Variants in ACOT12 observed in about 807,000 individuals in gnomAD.
ACOT12 encodes acetyl-coenzyme A thioesterase.
ACOT12 carries 51 observed loss-of-function variants against 67.7 expected under a neutral mutation model. The observed-to-expected ratio is 0.75, with a 90% CI of 0.60 to 0.95. The LOEUF (loss-of-function observed/expected upper bound fraction) is 0.95. ACOT12 is among the 40% of genes least tolerant of loss of function. The pLI is 0.00. For missense variants in ACOT12, 734 were observed against 708.1 expected (o/e 1.04, Z -0.41); for synonymous variants, 251 against 244.6 (o/e 1.03, Z -0.24).
intron 4 of ACOT12, among the ~76,000 whole-genome samples, chr5:81,361,798 T>A (rs1759917626): frequency 6.6e-6 from 1 of 152,244 alleles, no homozygotes; most frequent in African/African-American, 2.4e-5. Flanking sequence ...GTCCCTTCAA[T>A]GATCTGGCCT....
At chr5:81,368,254 C>T (rs555637038) in intron 3 of ACOT12, among the ~76,000 whole-genome samples, 5 of 151,968 alleles carry the variant, frequency 3.3e-5, no homozygotes, top group South Asian at 4.2e-4. Context: ...ATCGCACCAC[C>T]GCACTACAGC....
chr5:81,392,473 G>T (rs546594459), intron 1 of ACOT12, among the ~76,000 whole-genome samples: 3 of 152,218 alleles, frequency 2.0e-5, no homozygotes, highest in African/African-American at 7.2e-5. Flanking sequence ...TAGAGTAATT[G>T]ATTGTCAATT....
Position 81,371,824 on chromosome 5 carries a change from A to C in ACOT12, c.198-14T>G. On this transcript the variant is annotated splice_polypyrimidine_tract_variant and intron_variant, in intron 2 of 14. Coordinates refer to ENST00000307624, the MANE Select transcript of ACOT12 (RefSeq NM_130767.3). ...ACTTGTCCAACTCTAGGGAAAAACA[A>C]ACAAAAAAACCTCAGTAGTTTTAGC... 1 of 1,612,004 alleles carries C rather than the reference A, an allele frequency of 6.2e-7. No homozygotes were observed. Among genetic ancestry groups the C allele is most frequent in the African/African-American group, 1.3e-5 (1 of 75,010 alleles).
the ACOT12 span, chr5:81,312,789 G>A: frequency 1.6e-6 from 1 of 629,546 alleles, no homozygotes; most frequent in East Asian, 2.7e-5. Flanking sequence ...ATCTGGGTGT[G>A]GCCAAAAACA....
chr5:81,342,561 A>G (rs578077951), intron 11 of ACOT12, 111 bp downstream of exon 11: 61 of 1,106,984 alleles, frequency 5.5e-5, no homozygotes, highest in Non-Finnish European at 7.5e-5. Flanking sequence ...AGTTTCCTCA[A>G]AAGATTTTGT....
the ACOT12 span, among the ~76,000 whole-genome samples, chr5:81,320,956 A>G: frequency 6.6e-6 from 1 of 152,184 alleles, no homozygotes; most frequent in Non-Finnish European, 1.5e-5. Context: ...TCTCTGGTTC[A>G]ATAGATAGTG....
chr5:81,312,366 C>T, the ACOT12 span, among the ~76,000 whole-genome samples: 1 of 152,286 alleles, frequency 6.6e-6, no homozygotes, highest in Middle Eastern at 3.4e-3. Context: ...GCCTGTGGTA[C>T]TCTGAAATCA....
intron 14 of ACOT12, 91 bp from the exon 15 acceptor site, chr5:81,330,634 C>A (rs1758787003): frequency 1.3e-6 from 2 of 1,503,742 alleles, no homozygotes; most frequent in South Asian, 2.5e-5. Flanking sequence ...GTAGGGGAGG[C>A]TAAGACCCTA....
chr5:81,337,891 T>C (rs992666109), intron 11 of ACOT12, among the ~76,000 whole-genome samples: 2 of 152,202 alleles, frequency 1.3e-5, no homozygotes, highest in Non-Finnish European at 2.9e-5. Context: ...CTTCCTATCC[T>C]GGAGCCAAAC....
the ACOT12 span, among the ~76,000 whole-genome samples, chr5:81,324,103 G>A: frequency 3.2e-4 from 49 of 151,796 alleles, no homozygotes; most frequent in Non-Finnish European, 6.5e-4. Flanking sequence ...CACCATGCCC[G>A]GCTAATTTTT....
chr5:81,339,897 T>C lies in ACOT12; in HGVS notation c.1128+2775A>G, dbSNP rs1427354373. Among the ~76,000 whole-genome samples the C allele has an allele frequency of 2.1e-4, 15 of 70,748 alleles. No individual in the cohort carries two copies. In the Admixed American group the frequency reaches 2.3e-3, roughly 11 times the overall value. 46.4% of individuals were successfully genotyped at this position (70,748 alleles called of 152,430 possible). ...TATTGAAAACCTGGAAAAAACATGATTTTTTTTTATAGAGATGAAGTCATT... is the reference window on the plus strand; with the variant it reads ...TATTGAAAACCTGGAAAAAACATGACTTTTTTTTATAGAGATGAAGTCATT... On this transcript the variant is annotated intron_variant, in intron 11 of 14. Coordinates refer to ENST00000307624, the MANE Select transcript of ACOT12 (RefSeq NM_130767.3).
At chr5:81,359,462 C>G (rs1022722907) in intron 5 of ACOT12, among the ~76,000 whole-genome samples, 3 of 152,194 alleles carry the variant, frequency 2.0e-5, no homozygotes, top group Non-Finnish European at 4.4e-5. Flanking sequence ...GCTCATACCC[C>G]ATATGATCTT....
intron 12 of ACOT12, among the ~76,000 whole-genome samples, chr5:81,335,209 A>G (rs1016949747): frequency 6.6e-6 from 1 of 152,146 alleles, no homozygotes; most frequent in Non-Finnish European, 1.5e-5. Context: ...ACGTCTCAGA[A>G]CCTCTTAAAT....
chr5:81,311,397 C>G, the ACOT12 span: 1 of 1,024,650 alleles, frequency 9.8e-7, no homozygotes, highest in Non-Finnish European at 1.5e-6. Context: ...AACCTGTTTT[C>G]CTACTGTAGC....
chr5:81,325,584 G>A (rs1175047100), downstream of ACOT12, among the ~76,000 whole-genome samples: 2 of 152,180 alleles, frequency 1.3e-5, no homozygotes, highest in African/African-American at 4.8e-5. Context: ...GCGGGAATGA[G>A]TTGTGTCCAA....
chr5:81,330,361 G>T lies in ACOT12; in HGVS notation c.*33C>A, dbSNP rs1176528863. The T allele has an allele frequency of 3.8e-6, 6 of 1,596,344 alleles. No homozygotes were observed. Among genetic ancestry groups the T allele is most frequent in the Non-Finnish European group, 5.1e-6 (6 of 1,169,284 alleles). On this transcript the variant is annotated 3_prime_UTR_variant, in exon 15 of 15. Coordinates refer to ENST00000307624, the MANE Select transcript of ACOT12 (RefSeq NM_130767.3). ...TAAGGGTGCTTGGAATTAAAAGTGG[G>T]AAATTAAATTACCAGTAATTGAAAG...
chr5:81,323,575 G>A, the ACOT12 span, among the ~76,000 whole-genome samples: 1 of 152,180 alleles, frequency 6.6e-6, no homozygotes, highest in Non-Finnish European at 1.5e-5. Flanking sequence ...CAGAGACAAG[G>A]AGTAGGAAAG....
At chr5:81,315,421 T>A in the ACOT12 span, among the ~76,000 whole-genome samples, 1 of 152,162 alleles carries the variant, frequency 6.6e-6, no homozygotes. Context: ...TGCTTCCTCA[T>A]CCCAATACCT....
intron 5 of ACOT12, 129 bp from the exon 6 acceptor site, chr5:81,348,059 A>T (rs1299748848): frequency 2.0e-6 from 2 of 1,022,964 alleles, no homozygotes; most frequent in Admixed American, 5.3e-5. Context: ...AAGCCTTAAG[A>T]CTGAGAAAAT....
Sources: gnomAD v4.1 joint callset for allele counts (sites outside exome capture counted in the v4.1 genomes callset) on GRCh38, gnomAD v4.1.1 for gene constraint, MANE v1.5 for transcripts, NCBI Gene and HGNC (gene_info 2026-07-23, HGNC 2026-07-21) for gene names.